SRRM4: variants seen among roughly 807,000 people sequenced by gnomAD.
SRRM4 encodes the protein serine/arginine repetitive matrix protein 4.
SRRM4 carries 33 observed loss-of-function variants against 68.9 expected under a neutral mutation model. The observed-to-expected ratio is 0.48, with a 90% CI of 0.36 to 0.64. The LOEUF (loss-of-function observed/expected upper bound fraction) is 0.64, where lower values mean the gene tolerates loss of function less well. Among genes scored for constraint, SRRM4 ranks in the 30% least tolerant of loss-of-function variants. SRRM4 has a pLI of 0.00. For synonymous variants in SRRM4, 318 were observed against 318.8 expected, an observed-to-expected ratio of 1.00 and a Z score of 0.03; for missense variants, 817 against 827.1, an observed-to-expected ratio of 0.99 and a Z score of 0.15.
intron 1 of SRRM4, among the ~76,000 whole-genome samples, chr12:119,080,016 G>A (rs573167155): frequency 1.3e-4 from 19 of 151,864 alleles, no homozygotes; most frequent in African/African-American, 3.4e-4. Context: ...TTCAGCTACC[G>A]GTGCCCCTCT....
chr12:119,117,046 G>A (rs1222620205), intron 4 of SRRM4, 38 bp downstream of exon 4: 3 of 1,577,912 alleles, frequency 1.9e-6, no homozygotes, highest in African/African-American at 2.7e-5. Flanking sequence ...ACCTCCCCAG[G>A]TGGGGTGGGG....
rs749984636 is a variant in SRRM4, at chr12:119,125,528, G to A, written c.614+49G>A. 5.2e-6 allele frequency: 8 copies of A among 1,539,026 alleles called. No individual in the cohort carries two copies. The East Asian group carries it at 1.4e-4, about 26-fold the overall frequency. The stretch of plus-strand genomic sequence containing the variant: ...CTTCTGTCAGCCACAGCCGAGCCCA[G>A]GCTAAGACACTGTTAACACTAGCTT... On this transcript the variant is annotated intron_variant, in intron 7 of 12. Transcript: ENST00000267260.
At chr12:118,987,964 T>G (rs1565883953) in intron 1 of SRRM4, among the ~76,000 whole-genome samples, 1 of 152,250 alleles carries the variant, frequency 6.6e-6, no homozygotes, top group African/African-American at 2.4e-5. Flanking sequence ...ATACATATAA[T>G]GTACAGTGAT....
chr12:119,147,539 G>C (rs1459852814), intron 9 of SRRM4, among the ~76,000 whole-genome samples: 1 of 152,216 alleles, frequency 6.6e-6, no homozygotes, highest in Non-Finnish European at 1.5e-5. Context: ...GCTGATAGTG[G>C]GGAATAAGGC....
chr12:119,147,824 C>G (rs1793746262), intron 9 of SRRM4, among the ~76,000 whole-genome samples: 1 of 152,344 alleles, frequency 6.6e-6, no homozygotes. Flanking sequence ...GCTTAACTCT[C>G]TCACTCAAGA....
chr12:119,010,214 G>A (rs183281853), intron 1 of SRRM4, among the ~76,000 whole-genome samples: 3 of 152,268 alleles, frequency 2.0e-5, no homozygotes, highest in African/African-American at 7.2e-5. Flanking sequence ...CACCACGCCC[G>A]GCTAATTTTC....
chr12:119,109,768 C>G (rs1042459782), intron 2 of SRRM4, among the ~76,000 whole-genome samples: 1 of 152,192 alleles, frequency 6.6e-6, no homozygotes, highest in Non-Finnish European at 1.5e-5. Flanking sequence ...TTCAAACATC[C>G]TCCTTTAGCG....
At chr12:119,032,464 G>A (rs1319391386) in intron 1 of SRRM4, among the ~76,000 whole-genome samples, 1 of 152,176 alleles carries the variant, frequency 6.6e-6, no homozygotes, top group Non-Finnish European at 1.5e-5. Flanking sequence ...CTTTGGAGAG[G>A]AGAGTATTAA....
chr12:119,041,271 A>T (rs1305386585), intron 1 of SRRM4, among the ~76,000 whole-genome samples: 3 of 152,168 alleles, frequency 2.0e-5, no homozygotes, highest in Non-Finnish European at 4.4e-5. Flanking sequence ...GGGTCTAATT[A>T]GATGGTAGGT....
intron 8 of SRRM4, among the ~76,000 whole-genome samples, chr12:119,135,449 G>A (rs1193615940): frequency 2.0e-5 from 3 of 152,156 alleles, no homozygotes; most frequent in South Asian, 2.1e-4. Flanking sequence ...AGCAGAACTC[G>A]TAGTCCATAA....
chr12:119,129,346 C>A (rs1954279682), intron 7 of SRRM4, among the ~76,000 whole-genome samples: 2 of 152,206 alleles, frequency 1.3e-5, no homozygotes, highest in African/African-American at 2.4e-5. Context: ...AGAAGTCAGA[C>A]ATGCCTTTGG....
intron 1 of SRRM4, among the ~76,000 whole-genome samples, chr12:119,044,732 A>T (rs912361752): frequency 6.6e-6 from 1 of 152,002 alleles, no homozygotes; most frequent in African/African-American, 2.4e-5. Context: ...AAATATCTAG[A>T]AAAAAAAGCC....
At position 119,158,673 on chromosome 12, in the gene SRRM4, G is replaced by A. The variant is rs997424633; in HGVS notation, c.*1875G>A. ...AGGTGCCCCGGGGAGGGCAAGTACA[G>A]CCACTGTAAATAACCCTCGTCCCTG... On this transcript the variant is annotated 3_prime_UTR_variant, in exon 13 of 13. Coordinates refer to ENST00000267260, the MANE Select transcript of SRRM4 (RefSeq NM_194286.4). 1.3e-5 allele frequency: 2 copies of A among 152,456 alleles called. No individual in the cohort carries two copies. Among genetic ancestry groups the A allele is most frequent in the African/African-American group, 2.4e-5 (1 of 41,462 alleles). 9.4% of individuals were successfully genotyped at this position (152,456 alleles called of 1,614,324 possible). A position where few individuals can be genotyped will look rare whatever the true frequency, so the allele number is the denominator to read the frequency against.
intron 1 of SRRM4, among the ~76,000 whole-genome samples, chr12:118,999,179 G>C (rs1953368182): frequency 1.3e-5 from 2 of 152,170 alleles, no homozygotes. Context: ...AGGATACCAG[G>C]CTATGCAGGC....
In SRRM4 at chr12:118,981,717, C is replaced by T. The variant is rs992756300; in HGVS notation, c.-166C>T. On this transcript the variant is annotated 5_prime_UTR_variant, in exon 1 of 13. Transcript: ENST00000267260. ...GAGCCTCCTTTCTCTGCTGCCTGCCCGGGCTGGGGCGTCCCATCCCCCGCC... is the reference window on the plus strand; with the variant it reads ...GAGCCTCCTTTCTCTGCTGCCTGCCTGGGCTGGGGCGTCCCATCCCCCGCC... 4 of 715,714 alleles carry T rather than the reference C, an allele frequency of 5.6e-6. No homozygotes were observed. The highest frequency in any genetic ancestry group is 6.7e-6 in the Non-Finnish European group (3 of 447,616). 44.3% of individuals were successfully genotyped at this position (715,714 alleles called of 1,614,324 possible).
chr12:118,983,963 C>T (rs2135986346), intron 1 of SRRM4, among the ~76,000 whole-genome samples: 1 of 151,938 alleles, frequency 6.6e-6, no homozygotes, highest in African/African-American at 2.4e-5. Context: ...TCTCCTTTGC[C>T]CTAGAAACCA....
At position 119,047,302 on chromosome 12, in the gene SRRM4, A is replaced by G. The variant is rs890083356; in HGVS notation, c.132-54934A>G. 7.9e-5 allele frequency among the ~76,000 whole-genome samples: 12 copies of G among 152,204 alleles called. No individual in the cohort carries two copies. The East Asian group carries it at 2.3e-3, about 29-fold the overall frequency. ...ACATCCAAGCTCAATGTTCTAAAAG[A>G]TTAATCATTTCTTTTATTATTAACT... On this transcript the variant is annotated intron_variant, in intron 1 of 12. Coordinates refer to ENST00000267260, the MANE Select transcript of SRRM4 (RefSeq NM_194286.4).
intron 4 of SRRM4, among the ~76,000 whole-genome samples, chr12:119,117,596 G>A (rs953363584): frequency 2.7e-5 from 4 of 150,404 alleles, no homozygotes; most frequent in East Asian, 2.0e-4. Flanking sequence ...TGTTCACTGT[G>A]CACACACACA....
At chr12:119,111,450 G>A (rs1954142733) in intron 2 of SRRM4, among the ~76,000 whole-genome samples, 1 of 152,198 alleles carries the variant, frequency 6.6e-6, no homozygotes, top group African/African-American at 2.4e-5. Flanking sequence ...GCAAATCAAG[G>A]ACGAAGTTCT....
Sources: gnomAD v4.1 joint callset for allele counts (sites outside exome capture counted in the v4.1 genomes callset) on GRCh38, gnomAD v4.1.1 for gene constraint, MANE v1.5 for transcripts, NCBI Gene and HGNC (gene_info 2026-07-23, HGNC 2026-07-21) for gene names.